Variants in SORCS2 observed in about 807,000 individuals in gnomAD.
The protein encoded by SORCS2 is sortilin related VPS10 domain containing receptor 2.
Under a neutral mutation model 141.6 loss-of-function variants are expected in SORCS2, and 100 were observed. That is an observed-to-expected ratio of 0.71 (90% CI 0.60 to 0.83). SORCS2 has a LOEUF of 0.83. SORCS2 is among the 40% of genes least tolerant of loss of function. The probability of loss-of-function intolerance (pLI) is 0.00; values close to 1 mark genes in which losing one functional copy is unlikely to be tolerated. For synonymous variants in SORCS2, 789 were observed against 676.9 expected (o/e 1.17, Z -2.57); for missense variants, 1,646 against 1,560.2 (o/e 1.05, Z -0.93).
chr4:7,350,341 C>T (rs143420435), intron 1 of SORCS2, among the ~76,000 whole-genome samples: 4 of 152,372 alleles, frequency 2.6e-5, no homozygotes, highest in Non-Finnish European at 2.9e-5. Flanking sequence ...GGCCACCTCC[C>T]GTTATGAACC....
chr4:7,471,210 G>A (rs1037987103), intron 2 of SORCS2, among the ~76,000 whole-genome samples: 9 of 152,268 alleles, frequency 5.9e-5, no homozygotes, highest in East Asian at 1.9e-4. Flanking sequence ...ATCCTTCCCC[G>A]CCGGCCCCGC....
chr4:7,689,372 T>C, intron 10 of SORCS2, 114 bp from the exon 11 acceptor site: 3 of 944,860 alleles, frequency 3.2e-6, no homozygotes, highest in Non-Finnish European at 3.2e-6. Flanking sequence ...AAGGCACTCC[T>C]GGCCCAGCCT....
At chr4:7,455,438 TG>T (rs1728832053) in intron 2 of SORCS2, among the ~76,000 whole-genome samples, 1 of 117,486 alleles carries the variant, frequency 8.5e-6, no homozygotes, top group African/African-American at 3.4e-5. Context: ...TGCTGTGTGT[TG>T]GGGTCAGGAG....
chr4:7,195,785 G>A (rs762549042), intron 1 of SORCS2, among the ~76,000 whole-genome samples: 70 of 152,178 alleles, frequency 4.6e-4, no homozygotes, highest in Non-Finnish European at 5.9e-5. Flanking sequence ...TGGGTTTCAC[G>A]TCTGCTTGAA....
rs573500653 is a variant in SORCS2 at position 7,272,484 on chromosome 4, T to C, written c.480+79358T>C. The stretch of plus-strand genomic sequence containing the variant: ...GAATGTACAGATATGTGCTATAGCA[T>C]GCCAGTTTCTTTTTGTAAATGCATC... On this transcript the variant is annotated intron_variant, in intron 1 of 26. Coordinates refer to ENST00000507866, the MANE Select transcript of SORCS2 (RefSeq NM_020777.3). 4.6e-5 allele frequency among the ~76,000 whole-genome samples: 7 copies of C among 152,378 alleles called. No individual in the cohort carries two copies. In the South Asian group the frequency reaches 1.4e-3, roughly 32 times the overall value.
At chr4:7,644,080 C>G (rs1720903529) in intron 4 of SORCS2, among the ~76,000 whole-genome samples, 1 of 152,190 alleles carries the variant, frequency 6.6e-6, no homozygotes, top group African/African-American at 2.4e-5. Context: ...CAGGAGGGAT[C>G]AGTGCTTTCT....
chr4:7,285,038 T>TA (rs1560164185), intron 1 of SORCS2, among the ~76,000 whole-genome samples: 53 of 34,386 alleles, frequency 1.5e-3, no homozygotes, highest in Middle Eastern at 0.015. Flanking sequence ...ATATATATAT[T>TA]TTTTTTTTTT....
intron 3 of SORCS2, among the ~76,000 whole-genome samples, chr4:7,637,324 G>A (rs1720325750): frequency 6.7e-6 from 1 of 149,518 alleles, no homozygotes; most frequent in Non-Finnish European, 1.5e-5. Flanking sequence ...GGCCTGCCCT[G>A]AGTTCCCTGG....
intron 4 of SORCS2, among the ~76,000 whole-genome samples, chr4:7,653,495 G>A (rs995341376): frequency 2.0e-5 from 3 of 152,058 alleles, no homozygotes; most frequent in African/African-American, 7.2e-5. Context: ...CGCCCGCCTC[G>A]ACCTCCCAAG....
At chr4:7,659,961 G>A (rs1252237601) in intron 5 of SORCS2, among the ~76,000 whole-genome samples, 1 of 152,216 alleles carries the variant, frequency 6.6e-6, no homozygotes, top group Non-Finnish European at 1.5e-5. Context: ...CTAGCTTTAT[G>A]AGCTTTGATC....
chr4:7,386,026 T>C (rs2109080625), intron 1 of SORCS2, among the ~76,000 whole-genome samples: 1 of 152,302 alleles, frequency 6.6e-6, no homozygotes, highest in Non-Finnish European at 1.5e-5. Context: ...TACATCCACT[T>C]TGCCAAGTGG....
At chr4:7,543,711 C>T (rs140359523) in intron 3 of SORCS2, among the ~76,000 whole-genome samples, 46 of 2,882 alleles carry the variant, frequency 0.016, no homozygotes, top group Middle Eastern at 0.5. Flanking sequence ...CATCCATCCA[C>T]CCATCCACCC....
intron 3 of SORCS2, among the ~76,000 whole-genome samples, chr4:7,612,024 G>A (rs911413031): frequency 6.6e-6 from 1 of 152,244 alleles, no homozygotes; most frequent in Non-Finnish European, 1.5e-5. Context: ...GATGGGGAAT[G>A]TGGTGTGGGA....
At chr4:7,525,318 T>C (rs367639014) in intron 2 of SORCS2, among the ~76,000 whole-genome samples, 1 of 152,016 alleles carries the variant, frequency 6.6e-6, no homozygotes, top group Non-Finnish European at 1.5e-5. Context: ...GGATGTGTGG[T>C]CACAGCCTTT....
intron 2 of SORCS2, among the ~76,000 whole-genome samples, chr4:7,403,973 ATATATATATATATATATATATATATT>A (rs1344993560): frequency 8.2e-4 from 3 of 3,652 alleles, no homozygotes; most frequent in Non-Finnish European, 3.4e-3. Context: ...ATATATATAT[ATATATATATATATATATATATATATT>A]TTTTTTTTTT....
chr4:7,344,331 G>A (rs1439892734), intron 1 of SORCS2, among the ~76,000 whole-genome samples: 2 of 152,328 alleles, frequency 1.3e-5, no homozygotes, highest in African/African-American at 2.4e-5. Flanking sequence ...CCCAGGAGCC[G>A]GGGCTAGTTT....
chr4:7,459,648 G>A (rs981956386), intron 2 of SORCS2, among the ~76,000 whole-genome samples: 1 of 152,178 alleles, frequency 6.6e-6, no homozygotes, highest in East Asian at 1.9e-4. Context: ...AGCCTGGGGT[G>A]TCCAGGCCAC....
intron 9 of SORCS2, among the ~76,000 whole-genome samples, chr4:7,681,527 G>A (rs1357107709): frequency 6.6e-6 from 1 of 152,212 alleles, no homozygotes; most frequent in African/African-American, 2.4e-5. Flanking sequence ...CTCCAGAAAG[G>A]AATGCGATTC....
At chr4:7,671,269 C>G (rs747697275) in intron 8 of SORCS2, among the ~76,000 whole-genome samples, 33 of 152,046 alleles carry the variant, frequency 2.2e-4, no homozygotes, top group Non-Finnish European at 4.1e-4. Flanking sequence ...GGACATTAGA[C>G]TCAACTGTCC....
Sources: allele counts gnomAD v4.1 joint callset (sites outside exome capture counted in the v4.1 genomes callset), GRCh38; gene constraint gnomAD v4.1.1; transcripts MANE v1.5; gene names NCBI Gene and HGNC (gene_info 2026-07-23, HGNC 2026-07-21).